USP32: variants seen among roughly 807,000 people sequenced by gnomAD.
USP32 encodes ubiquitin carboxyl-terminal hydrolase 32.
In USP32, 59 loss-of-function variants were observed where a neutral mutation model predicts 204.8. That is an observed-to-expected ratio of 0.29 (90% confidence interval 0.23 to 0.36). USP32 has a LOEUF of 0.36. USP32 is among the 10% of genes least tolerant of loss of function. USP32 has a pLI of 1.00. For missense variants in USP32, 1,160 were observed against 1,946.4 expected, an observed-to-expected ratio of 0.60 and a Z score of 7.60; for synonymous variants, 517 against 678.4, an observed-to-expected ratio of 0.76 and a Z score of 3.70.
intron 1 of USP32, among the ~76,000 whole-genome samples, chr17:60,407,928 T>C (rs559716964): frequency 1.3e-5 from 2 of 151,592 alleles, no homozygotes; most frequent in Non-Finnish European, 2.9e-5. Context: ...TGAAACCTCG[T>C]CTCTACTAAA....
chr17:60,217,363 C>T (rs984415618), intron 16 of USP32, among the ~76,000 whole-genome samples: 8 of 152,252 alleles, frequency 5.3e-5, no homozygotes, highest in African/African-American at 1.9e-4. Flanking sequence ...GGCGCGATCT[C>T]GGCTCACTGC....
At chr17:60,232,866 C>T (rs778074100) in intron 12 of USP32, among the ~76,000 whole-genome samples, 5 of 152,016 alleles carry the variant, frequency 3.3e-5, no homozygotes, top group Non-Finnish European at 7.4e-5. Flanking sequence ...AAATTTAAAT[C>T]CTCATATAAC....
chr17:60,283,018 C>T (rs2087008251), intron 5 of USP32, among the ~76,000 whole-genome samples: 1 of 152,192 alleles, frequency 6.6e-6, no homozygotes, highest in African/African-American at 2.4e-5. Flanking sequence ...AAATTAATTG[C>T]TTCAATTGAA....
chr17:60,280,723 CAA>C (rs772419182), intron 5 of USP32, among the ~76,000 whole-genome samples: 101 of 152,284 alleles, frequency 6.6e-4, no homozygotes, highest in Non-Finnish European at 1.1e-3. Context: ...ATTTTTATCA[CAA>C]GTTTCCACAT....
intron 2 of USP32, among the ~76,000 whole-genome samples, chr17:60,311,412 T>C (rs761165794): frequency 5.9e-5 from 9 of 152,220 alleles, no homozygotes; most frequent in Non-Finnish European, 1.2e-4. Context: ...AATGATGTCA[T>C]CCCAGTAAAT....
At chr17:60,324,578 T>C (rs951039912) in intron 2 of USP32, among the ~76,000 whole-genome samples, 15 of 152,180 alleles carry the variant, frequency 9.9e-5, no homozygotes, top group Non-Finnish European at 2.9e-5. Flanking sequence ...TCACCTTTGA[T>C]ACTTTATCTT....
intron 1 of USP32, among the ~76,000 whole-genome samples, chr17:60,417,726 G>A (rs907165538): frequency 5.4e-4 from 82 of 151,884 alleles, no homozygotes; most frequent in African/African-American, 1.8e-3. Context: ...AGTGTGCTGG[G>A]ATTACAGGCT....
At position 60,197,361 on chromosome 17, in the gene USP32, T is replaced by TCCC. The variant is rs754831296; in HGVS notation, c.3434+898_3434+899insGGG. Among the ~76,000 whole-genome samples, 23 of 152,314 alleles carry TCCC rather than the reference T, an allele frequency of 1.5e-4. No homozygotes were observed. In the East Asian group the frequency reaches 2.5e-3, roughly 17 times the overall value. On this transcript the variant is annotated intron_variant, in intron 27 of 33. Coordinates refer to ENST00000300896, the MANE Select transcript of USP32 (RefSeq NM_032582.4). ...GGCTCACGCCTGTAATCCCAGCACT[T>TCCC]TGGGAGGCTGAGGCAGGTGGATCAC... is the stretch of plus-strand genomic sequence containing the variant.
chr17:60,348,113 C>A (rs1347533679), intron 1 of USP32, among the ~76,000 whole-genome samples: 1 of 150,446 alleles, frequency 6.6e-6, no homozygotes. Flanking sequence ...CAGAGCGAGA[C>A]CCCGTCTCAA....
At chr17:60,293,386 TTA>T (rs1426305540) in intron 4 of USP32, among the ~76,000 whole-genome samples, 1 of 152,202 alleles carries the variant, frequency 6.6e-6, no homozygotes, top group Non-Finnish European at 1.5e-5. Flanking sequence ...GTTTGCTAGA[TTA>T]TCTTTTTTTC....
chr17:60,247,677 GT>G (rs140926140), intron 11 of USP32, among the ~76,000 whole-genome samples: 7,139 of 147,316 alleles, frequency 0.048, 581 homozygotes, highest in African/African-American at 0.17. Flanking sequence ...GTTTGTTTTG[GT>G]TTTTTTTTTG....
chr17:60,285,129 TC>T (rs1213212383), intron 5 of USP32, among the ~76,000 whole-genome samples: 3 of 152,212 alleles, frequency 2.0e-5, no homozygotes, highest in African/African-American at 7.2e-5. Flanking sequence ...CACACTCTTT[TC>T]GATATTAACA....
chr17:60,183,049 T>G, intron 31 of USP32, 116 bp downstream of exon 31: 1 of 1,403,324 alleles, frequency 7.1e-7, no homozygotes, highest in African/African-American at 1.4e-5. Flanking sequence ...ATAGGTCTGA[T>G]TCCAGATAGG....
At chr17:60,286,560 G>C (rs1024889232) in intron 5 of USP32, among the ~76,000 whole-genome samples, 3 of 152,186 alleles carry the variant, frequency 2.0e-5, no homozygotes, top group Non-Finnish European at 2.9e-5. Context: ...GGGCCTAGGG[G>C]TCCCTGCATG....
At chr17:60,387,602 CTA>C (rs1327357908) in intron 1 of USP32, among the ~76,000 whole-genome samples, 1 of 152,144 alleles carries the variant, frequency 6.6e-6, no homozygotes. Flanking sequence ...CAAGTTAGAA[CTA>C]TAAACAGAAT....
chr17:60,319,219 T>C (rs1331054566), intron 2 of USP32, among the ~76,000 whole-genome samples: 1 of 152,234 alleles, frequency 6.6e-6, no homozygotes, highest in African/African-American at 2.4e-5. Context: ...AACTGTACAC[T>C]TTAAAATGGT....
chr17:60,398,760 T>C (rs1295378916), intron 1 of USP32, among the ~76,000 whole-genome samples: 1 of 151,744 alleles, frequency 6.6e-6, no homozygotes, highest in Non-Finnish European at 1.5e-5. Context: ...AGAGGATTGA[T>C]TGAGGTCAGG....
chr17:60,292,822 A>G (rs2087317338), intron 4 of USP32, among the ~76,000 whole-genome samples: 1 of 152,022 alleles, frequency 6.6e-6, no homozygotes, highest in Admixed American at 6.6e-5. Flanking sequence ...CCTCTACTCA[A>G]AACCTTCCAG....
chr17:60,416,867 GCA>G (rs1319279653), intron 1 of USP32, among the ~76,000 whole-genome samples: 2 of 151,114 alleles, frequency 1.3e-5, no homozygotes, highest in Admixed American at 6.6e-5. Context: ...ACACACACAT[GCA>G]CACACACACA....
Sources: allele counts gnomAD v4.1 joint callset (sites outside exome capture counted in the v4.1 genomes callset), GRCh38; gene constraint gnomAD v4.1.1; transcripts MANE v1.5; gene names NCBI Gene and HGNC (gene_info 2026-07-23, HGNC 2026-07-21).